Variants in MVP observed in about 807,000 individuals in gnomAD.
The protein encoded by MVP is major vault protein, also known as lung resistance-related protein.
Under a neutral mutation model 83.5 loss-of-function variants are expected in MVP, and 62 were observed. The observed-to-expected ratio is 0.74, with a 90% CI of 0.61 to 0.92. The LOEUF (loss-of-function observed/expected upper bound fraction) is 0.92. MVP is among the 40% of genes least tolerant of loss of function. The pLI, the probability that MVP is intolerant of heterozygous loss-of-function variation, is 0.00. For synonymous variants in MVP, 505 were observed against 504.1 expected (o/e 1.00, Z -0.02); for missense variants, 1,000 against 1,203.4 (o/e 0.83, Z 2.50).
intron 1 of MVP, 142 bp from the exon 2 acceptor site, chr16:29,830,373 A>G (rs867263330): frequency 4.8e-6 from 3 of 629,124 alleles, no homozygotes; most frequent in Middle Eastern, 8.7e-4. Context: ...AGCAGTGGGC[A>G]TGCAGATGCG....
intron 1 of MVP, chr16:29,830,163 C>T (rs1247706453): frequency 5.6e-6 from 1 of 179,982 alleles, no homozygotes; most frequent in East Asian, 1.5e-4. Context: ...TGCTGTATCT[C>T]TCCACCGTAA....
intron 1 of MVP, among the ~76,000 whole-genome samples, chr16:29,823,317 CAG>C (rs2067379024): frequency 6.6e-6 from 1 of 151,482 alleles, no homozygotes; most frequent in Non-Finnish European, 1.5e-5. Context: ...TTTATAGAGA[CAG>C]GGTCTCCCTA....
intron 1 of MVP, among the ~76,000 whole-genome samples, chr16:29,824,423 CACTG>C (rs2067391243): frequency 6.6e-6 from 1 of 151,990 alleles, no homozygotes; most frequent in African/African-American, 2.4e-5. Flanking sequence ...CCACTCTACT[CACTG>C]CAGACCCCGT....
intron 7 of MVP, among the ~76,000 whole-genome samples, chr16:29,838,371 G>C (rs1410383249): frequency 6.6e-6 from 1 of 151,010 alleles, no homozygotes; most frequent in Non-Finnish European, 1.5e-5. Flanking sequence ...GGGAGGCGGA[G>C]GTTGCAGTGA....
chr16:29,838,412 G>T (rs1420236287), intron 7 of MVP, among the ~76,000 whole-genome samples: 2 of 151,174 alleles, frequency 1.3e-5, no homozygotes, highest in Admixed American at 6.6e-5. Flanking sequence ...CTCCAGCCTG[G>T]GTGACAGAGC....
intron 10 of MVP, among the ~76,000 whole-genome samples, chr16:29,843,070 C>T (rs146268044): frequency 1.8e-3 from 271 of 152,330 alleles, no homozygotes; most frequent in Non-Finnish European, 2.2e-3. Context: ...CCATCTGTAA[C>T]ATGAGGAAGA....
At chr16:29,836,654 C>A in intron 6 of MVP, 68 bp from the exon 7 acceptor site, 1 of 1,292,164 alleles carries the variant, frequency 7.7e-7, no homozygotes, top group Non-Finnish European at 1.1e-6. Context: ...ATTTGGTGGC[C>A]AATGGGGCTC....
Position 29,841,869 on chromosome 16 carries a change from G to A in MVP, c.1436+29G>A. 2 of 1,609,600 alleles carry A rather than the reference G, an allele frequency of 1.2e-6. No individual in the cohort carries two copies. Among genetic ancestry groups the A allele is most frequent in the South Asian group, 1.1e-5 (1 of 91,056 alleles). On this transcript the variant is annotated intron_variant, in intron 9 of 14. Transcript: ENST00000357402. This position sits in a 1 kb window ranked among gnomAD's most constrained non-coding sequence, Gnocchi z 4.7. ...AGTGCTGGCAGCGCAGGGTGTAGGGGGTGGCTCTCCATGGGTCTGGCTCTG... is the reference window on the plus strand; with the variant it reads ...AGTGCTGGCAGCGCAGGGTGTAGGGAGTGGCTCTCCATGGGTCTGGCTCTG...
intron 7 of MVP, among the ~76,000 whole-genome samples, chr16:29,837,457 T>C (rs2067497170): frequency 6.6e-6 from 1 of 152,088 alleles, no homozygotes; most frequent in South Asian, 2.1e-4. Flanking sequence ...AAATACAATA[T>C]AAAAGCTTCG....
At chr16:29,827,641 C>T (rs1057108709) in intron 1 of MVP, among the ~76,000 whole-genome samples, 5 of 152,156 alleles carry the variant, frequency 3.3e-5, no homozygotes, top group African/African-American at 9.7e-5. Context: ...TAGCTGGGTA[C>T]GGTAGCGTAC....
intron 10 of MVP, 78 bp downstream of exon 10, chr16:29,842,190 G>A: frequency 6.9e-7 from 1 of 1,440,492 alleles, no homozygotes; most frequent in Non-Finnish European, 9.4e-7. Context: ...AGGATCACTT[G>A]AGCCTAGGAG....
intron 14 of MVP, 101 bp from the exon 15 acceptor site, chr16:29,847,661 C>A: frequency 8.4e-7 from 1 of 1,196,338 alleles, no homozygotes; most frequent in Admixed American, 1.7e-5. Context: ...TGGTCAGATG[C>A]AGGGGAGGTG....
rs1391067088 is a variant in MVP, at chr16:29,840,196, C to G, written c.928C>G (p.Leu310Val). 6.2e-7 allele frequency: 1 copy of G among 1,607,644 alleles called. No individual in the cohort carries two copies. The highest frequency in any genetic ancestry group is 1.7e-5 in the Admixed American group (1 of 58,436). ...CCACTAGGGAGAGAAGTCTTTTTTC[C>G]TCCAGCCAGGAGAGCAGCTGGAACA... The part of the protein sequence containing the change: ...RVVKGEKSFF[L>V]QPGEQLEQGI... The change falls in exon 8 of 15, where the codon CTC becomes GTC. Residue 310 changes from leucine to valine, a missense_variant. Transcript: ENST00000357402.
rs764233513 is a variant in MVP at position 29,831,180 on chromosome 16, GAGTTTC to G, written c.321+109_321+114del. 9.1e-4 allele frequency: 1,017 copies of G among 1,119,028 alleles called. 2 individuals are homozygous for G. The highest frequency in any genetic ancestry group is 4.2e-3 in the African/African-American group (270 of 63,726). 69.3% of individuals were successfully genotyped at this position (1,119,028 alleles called of 1,614,324 possible). A position where few individuals can be genotyped will look rare whatever the true frequency, so the allele number is the denominator to read the frequency against. The stretch of plus-strand genomic sequence containing the variant: ...TTTTTTTCTTTTCTTTTTTGAGGCA[GAGTTTC>G]ACTCTTGTCGCCCAGGCTGGAGTGC... On this transcript the variant is annotated intron_variant, in intron 3 of 14. Coordinates refer to ENST00000357402, the MANE Select transcript of MVP (RefSeq NM_005115.5).
intron 1 of MVP, among the ~76,000 whole-genome samples, chr16:29,827,648 G>A (rs777021300): frequency 8.5e-5 from 13 of 152,146 alleles, no homozygotes; most frequent in Non-Finnish European, 1.6e-4. Context: ...GTACGGTAGC[G>A]TACCCCTGTA....
intron 7 of MVP, among the ~76,000 whole-genome samples, chr16:29,837,222 C>CT (rs1386678133): frequency 1.3e-5 from 2 of 152,236 alleles, no homozygotes; most frequent in Non-Finnish European, 2.9e-5. Context: ...CTGATACAGT[C>CT]ATGCGCCACT....
intron 10 of MVP, 41 bp downstream of exon 10, chr16:29,842,153 C>A: frequency 1.3e-6 from 2 of 1,549,476 alleles, no homozygotes; most frequent in South Asian, 2.3e-5. Context: ...TTCCTGGAAT[C>A]CCAGCACTTT....
intron 1 of MVP, among the ~76,000 whole-genome samples, chr16:29,824,771 T>A (rs894879836): frequency 2.0e-5 from 3 of 152,090 alleles, no homozygotes; most frequent in Non-Finnish European, 4.4e-5. Flanking sequence ...AAAAAGAGAT[T>A]CAGTATATCA....
intron 11 of MVP, 114 bp from the exon 12 acceptor site, chr16:29,845,749 C>G: frequency 1.2e-6 from 1 of 817,856 alleles, no homozygotes; most frequent in Non-Finnish European, 1.9e-6. Flanking sequence ...TGGGTGCCTT[C>G]TAGGGGCTGG....
Sources: allele counts gnomAD v4.1 joint callset (sites outside exome capture counted in the v4.1 genomes callset), GRCh38; gene constraint gnomAD v4.1.1; non-coding constraint Gnocchi (gnomAD v3.1); transcripts MANE v1.5; gene names NCBI Gene and HGNC (gene_info 2026-07-23, HGNC 2026-07-21).